The following DLGAP1 variants were observed in gnomAD, a reference collection of about 807,000 sequenced individuals.
The protein encoded by DLGAP1 is disks large-associated protein 1.
Under a neutral mutation model 90.8 loss-of-function variants are expected in DLGAP1, and 11 were observed. The observed-to-expected ratio is 0.12, with a 90% CI of 0.08 to 0.20. DLGAP1 has a LOEUF of 0.20. DLGAP1 is among the 10% of genes least tolerant of loss of function. The pLI is 1.00. For missense variants in DLGAP1, 1,050 were observed against 1,333.8 expected (o/e 0.79, Z 3.31); for synonymous variants, 558 against 540.7 (o/e 1.03, Z -0.44).
At chr18:3,532,571 T>A in intron 10 of DLGAP1, among the ~76,000 whole-genome samples, 2 of 126,462 alleles carry the variant, frequency 1.6e-5, no homozygotes. Flanking sequence ...AGACCAAAAC[T>A]CCATCTCAAA....
In DLGAP1 at chr18:3,741,172, A is replaced by G. The variant is rs1000074938; in HGVS notation, c.1350+1163T>C. ...CCATCACCACCACCATCACCACCAC[A>G]TCACCACCACCACCACCACCACCAC... On this transcript the variant is annotated intron_variant, in intron 6 of 12. Transcript: ENST00000315677. 1.3e-4 allele frequency among the ~76,000 whole-genome samples: 6 copies of G among 45,576 alleles called. No homozygotes were observed. The South Asian group carries it at 3.5e-3, about 27-fold the overall frequency. The allele number at this position is 45,576 out of a possible 152,430, so 29.9% of individuals were successfully genotyped here.
chr18:4,426,489 CAT>C (rs138391810), intron 1 of DLGAP1, among the ~76,000 whole-genome samples: 11,296 of 152,236 alleles, frequency 0.074, 621 homozygotes, highest in Non-Finnish European at 0.1. Flanking sequence ...GAGGATAAAA[CAT>C]GTGTCATATT....
chr18:3,655,795 A>G (rs1261652527), intron 7 of DLGAP1: 1 of 363,548 alleles, frequency 2.8e-6, no homozygotes, highest in Non-Finnish European at 5.0e-6. Context: ...ATAAGGCCAC[A>G]GAAGAGCCCA....
chr18:4,175,521 G>A (rs35452600), intron 1 of DLGAP1, among the ~76,000 whole-genome samples: 1 of 151,778 alleles, frequency 6.6e-6, no homozygotes, highest in African/African-American at 2.4e-5. Context: ...GTATTGCCTA[G>A]GTTTTTTTCT....
At chr18:3,502,677 T>G in intron 11 of DLGAP1, 32 bp from the exon 12 acceptor site, 1 of 1,589,408 alleles carries the variant, frequency 6.3e-7, no homozygotes. Flanking sequence ...ATTCATGCTT[T>G]AGAAGCAATT....
chr18:4,244,211 C>T (rs994996982), intron 1 of DLGAP1, among the ~76,000 whole-genome samples: 20 of 152,110 alleles, frequency 1.3e-4, no homozygotes, highest in African/African-American at 4.8e-4. Context: ...CAACGGTCAC[C>T]TTCCCCCTTC....
At chr18:4,405,911 G>A (rs1458571422) in intron 1 of DLGAP1, among the ~76,000 whole-genome samples, 4 of 152,160 alleles carry the variant, frequency 2.6e-5, no homozygotes, top group Non-Finnish European at 4.4e-5. Flanking sequence ...ACTAAAGAAC[G>A]AAGGAATGAA....
At chr18:4,187,821 ACT>A (rs914053738) in intron 1 of DLGAP1, among the ~76,000 whole-genome samples, 2 of 151,986 alleles carry the variant, frequency 1.3e-5, no homozygotes, top group African/African-American at 2.4e-5. Context: ...AAATGGTGAA[ACT>A]CTGTCTCTAT....
intron 2 of DLGAP1, among the ~76,000 whole-genome samples, chr18:4,119,981 A>G (rs1206435895): frequency 6.6e-6 from 1 of 152,234 alleles, no homozygotes; most frequent in Non-Finnish European, 1.5e-5. Context: ...AAAGTGAAAA[A>G]GAGAAACAAC....
intron 9 of DLGAP1, among the ~76,000 whole-genome samples, chr18:3,551,505 C>T (rs2053419983): frequency 6.6e-6 from 1 of 152,104 alleles, no homozygotes. Flanking sequence ...CTCCTGGCTT[C>T]CCAAAGTGCT....
rs778140454 is a variant in DLGAP1, at chr18:3,880,116, C to T, written c.-48G>A. The stretch of plus-strand genomic sequence containing the variant: ...GGGTCATGGACACCCGGAAGTCAGG[C>T]TCCAGACCCGTCTTGGGCAGGGATC... On this transcript the variant is annotated 5_prime_UTR_variant, in exon 4 of 13. Coordinates refer to ENST00000315677, the MANE Select transcript of DLGAP1 (RefSeq NM_004746.4). 1 of 1,558,102 alleles carries T rather than the reference C, an allele frequency of 6.4e-7. No homozygotes were observed. The highest frequency in any genetic ancestry group is 1.7e-5 in the Admixed American group (1 of 59,482).
chr18:4,292,159 A>G (rs1413734580), intron 1 of DLGAP1, among the ~76,000 whole-genome samples: 1 of 152,218 alleles, frequency 6.6e-6, no homozygotes, highest in African/African-American at 2.4e-5. Context: ...TCAAAATTGA[A>G]TAGCATAAGC....
At chr18:4,063,003 T>C (rs2075320102) in intron 2 of DLGAP1, among the ~76,000 whole-genome samples, 1 of 152,126 alleles carries the variant, frequency 6.6e-6, no homozygotes, top group Admixed American at 6.6e-5. Context: ...ATTATATATA[T>C]TCCTTTGAAA....
chr18:3,681,703 C>A (rs1411347646), intron 7 of DLGAP1, among the ~76,000 whole-genome samples: 1 of 152,064 alleles, frequency 6.6e-6, no homozygotes, highest in Non-Finnish European at 1.5e-5. Context: ...GTTGTAATCC[C>A]CAATGTTGAA....
rs143797244 is a variant in DLGAP1 at position 4,163,939 on chromosome 18, C to T, written c.-266-12652G>A. 4.5e-3 allele frequency among the ~76,000 whole-genome samples: 691 copies of T among 152,252 alleles called. 3 individuals are homozygous for T. Among genetic ancestry groups the T allele is most frequent in the Non-Finnish European group, 7.4e-3 (502 of 68,028 alleles). On this transcript the variant is annotated intron_variant, in intron 1 of 12. Transcript: ENST00000315677. ...AAGAAGTCTCCTTGTCCCTGTAGAT[C>T]TAAGATGCTCCTCCCTCACTGAGAG...
At chr18:4,258,010 T>TGTGTGTGTGTGTGTGTGTGTGTGTGC (rs529531621) in intron 1 of DLGAP1, among the ~76,000 whole-genome samples, 1 of 137,006 alleles carries the variant, frequency 7.3e-6, no homozygotes. Context: ...TGTGTGTGTG[T>TGTGTGTGTGTGTGTGTGTGTGTGTGC]GCGCGCGCGC....
intron 7 of DLGAP1, among the ~76,000 whole-genome samples, chr18:3,615,121 C>A (rs1285639865): frequency 6.6e-6 from 1 of 151,958 alleles, no homozygotes; most frequent in Non-Finnish European, 1.5e-5. Context: ...GGGTTTTCAC[C>A]ATTTTGGTCA....
intron 1 of DLGAP1, among the ~76,000 whole-genome samples, chr18:4,274,311 T>C (rs1255607350): frequency 6.6e-6 from 1 of 152,166 alleles, no homozygotes; most frequent in African/African-American, 2.4e-5. Flanking sequence ...CACATATTTG[T>C]GAGTTTCCCC....
chr18:3,540,429 C>T (rs1308012299), intron 9 of DLGAP1, among the ~76,000 whole-genome samples: 1 of 143,212 alleles, frequency 7.0e-6, no homozygotes, highest in Non-Finnish European at 1.5e-5. Flanking sequence ...GAGATTGCAC[C>T]ACTGCACTCC....
Sources: allele counts gnomAD v4.1 joint callset (sites outside exome capture counted in the v4.1 genomes callset), GRCh38; gene constraint gnomAD v4.1.1; transcripts MANE v1.5; gene names NCBI Gene and HGNC (gene_info 2026-07-23, HGNC 2026-07-21).